The following ZNF107 variants were observed in gnomAD, a reference collection of about 807,000 sequenced individuals.
ZNF107 encodes the protein C2H2 type zinc-finger protein.
In ZNF107, 19 loss-of-function variants were observed where a neutral mutation model predicts 12.3. The ratio of observed to expected loss-of-function variants is 1.55; its 90% CI spans 1.08 to 2.27. ZNF107 has a LOEUF of 2.27. Among genes scored for constraint, ZNF107 ranks in the 30% most tolerant of loss-of-function variants. The pLI is 0.00. For synonymous variants in ZNF107, 317 were observed against 330.5 expected (o/e 0.96, Z 0.44); for missense variants, 958 against 979.9 (o/e 0.98, Z 0.30).
At chr7:64,700,980 A>G (rs896693974) in intron 3 of ZNF107, among the ~76,000 whole-genome samples, 7 of 152,150 alleles carry the variant, frequency 4.6e-5, no homozygotes, top group African/African-American at 1.7e-4. Context: ...GATGTCTACA[A>G]TTATGTTGCT....
At chr7:64,684,507 G>A in intron 1 of ZNF107, 1 of 881,166 alleles carries the variant, frequency 1.1e-6, no homozygotes, top group Non-Finnish European at 1.4e-6. Context: ...GAGTAAAGCT[G>A]TGTCCATCTG....
At chr7:64,693,314 GT>G (rs376161398) in intron 3 of ZNF107, among the ~76,000 whole-genome samples, 7,254 of 134,898 alleles carry the variant, frequency 0.054, 217 homozygotes, top group East Asian at 0.16. Flanking sequence ...CGCCTGGCCA[GT>G]TTTTTTTTTT....
At chr7:64,668,654 A>C (rs1789102315) in intron 1 of ZNF107, among the ~76,000 whole-genome samples, 2 of 152,218 alleles carry the variant, frequency 1.3e-5, no homozygotes, top group African/African-American at 4.8e-5. Context: ...AGAGAAAAAT[A>C]ATATCTAATC....
intron 3 of ZNF107, among the ~76,000 whole-genome samples, chr7:64,704,886 A>G (rs1187559370): frequency 1.3e-5 from 2 of 152,174 alleles, no homozygotes; most frequent in Admixed American, 1.3e-4. Flanking sequence ...CACCATGTTG[A>G]TCAGGCTGGT....
intron 3 of ZNF107, among the ~76,000 whole-genome samples, chr7:64,705,975 A>G (rs1005747050): frequency 6.6e-6 from 1 of 151,992 alleles, no homozygotes. Context: ...CTTTAAAAAA[A>G]AAAACACTAA....
chr7:64,670,989 C>T (rs1352053495), intron 1 of ZNF107, among the ~76,000 whole-genome samples: 1 of 152,184 alleles, frequency 6.6e-6, no homozygotes, highest in African/African-American at 2.4e-5. Flanking sequence ...TCAGGGTCTG[C>T]TGACTCTGGG....
At chr7:64,694,637 C>G (rs1790226830) in intron 3 of ZNF107, among the ~76,000 whole-genome samples, 1 of 151,828 alleles carries the variant, frequency 6.6e-6, no homozygotes, top group South Asian at 2.1e-4. Context: ...ATTTAGCTGT[C>G]ATCGCAGGTG....
chr7:64,683,082 C>T (rs192151560), intron 1 of ZNF107, among the ~76,000 whole-genome samples: 2 of 152,316 alleles, frequency 1.3e-5, no homozygotes, highest in East Asian at 1.9e-4. Flanking sequence ...CATCTGTTAT[C>T]GAGGCTGCTG....
rs191277354 is a variant in ZNF107 at position 64,711,363 on chromosome 7, A to G, written c.*2707A>G. ...TGCCATGTATGGCATATTTTGATAC[A>G]GGCATATAATTTTATGTATTAATCA... On this transcript the variant is annotated 3_prime_UTR_variant, in exon 4 of 4. Coordinates refer to ENST00000620827, the MANE Select transcript of ZNF107 (RefSeq NM_001282359.2). 1 of 152,354 alleles carries G rather than the reference A, an allele frequency of 6.6e-6. No homozygotes were observed. The highest frequency in any genetic ancestry group is 1.5e-5 in the Non-Finnish European group (1 of 68,016). 9.4% of individuals were successfully genotyped at this position (152,354 alleles called of 1,614,324 possible).
At chr7:64,678,470 A>G (rs1789513793) in intron 1 of ZNF107, among the ~76,000 whole-genome samples, 1 of 152,224 alleles carries the variant, frequency 6.6e-6, no homozygotes, top group Admixed American at 6.5e-5. Flanking sequence ...TAGGTGTAGC[A>G]TTTGTAGACA....
At chr7:64,693,260 G>A (rs1325696098) in intron 3 of ZNF107, among the ~76,000 whole-genome samples, 12 of 144,172 alleles carry the variant, frequency 8.3e-5, no homozygotes, top group Admixed American at 4.3e-4. Flanking sequence ...TGATCTGCCC[G>A]TCTCGGCCTC....
At chr7:64,674,267 T>A (rs1789340022) in intron 1 of ZNF107, among the ~76,000 whole-genome samples, 1 of 152,244 alleles carries the variant, frequency 6.6e-6, no homozygotes, top group African/African-American at 2.4e-5. Context: ...TTTCCATTTA[T>A]TTGTGTCATA....
At chr7:64,681,580 C>T (rs1789676402) in intron 1 of ZNF107, among the ~76,000 whole-genome samples, 1 of 151,970 alleles carries the variant, frequency 6.6e-6, no homozygotes, top group African/African-American at 2.4e-5. Context: ...GGGATATCAT[C>T]TCTCCCTCCC....
chr7:64,705,759 C>T (rs1790618332), intron 3 of ZNF107, among the ~76,000 whole-genome samples: 1 of 148,412 alleles, frequency 6.7e-6, no homozygotes, highest in Admixed American at 6.7e-5. Context: ...TCGGTAATCA[C>T]TTGCTACAAC....
At chr7:64,686,811 T>G (rs1470811340) in intron 1 of ZNF107, 3 of 904,932 alleles carry the variant, frequency 3.3e-6, no homozygotes, top group Admixed American at 6.2e-5. Flanking sequence ...CTGCTCTCCC[T>G]CACACCTCCG....
chr7:64,676,208 A>G (rs1406104796), intron 1 of ZNF107, among the ~76,000 whole-genome samples: 3 of 152,112 alleles, frequency 2.0e-5, no homozygotes, highest in Non-Finnish European at 2.9e-5. Flanking sequence ...TTTGTATTCA[A>G]TTATATTTTT....
chr7:64,697,857 AATTTTTTGTATTTT>A lies in ZNF107; in HGVS notation c.226+5898_226+5911del, dbSNP rs1300011198. ...CATGCGCCCGCCACCACGCCCGGCTAATTTTTTGTATTTTTTAGTAGAGACGGGGTTTCACCGTG... is the reference window on the plus strand; with the variant it reads ...CATGCGCCCGCCACCACGCCCGGCTATTAGTAGAGACGGGGTTTCACCGTG... On this transcript the variant is annotated intron_variant, in intron 3 of 3. Coordinates refer to ENST00000620827, the MANE Select transcript of ZNF107 (RefSeq NM_001282359.2). 1.5e-4 allele frequency among the ~76,000 whole-genome samples: 23 copies of A among 151,924 alleles called. No homozygotes were observed. In the East Asian group the frequency reaches 3.7e-3, roughly 24 times the overall value.
intron 3 of ZNF107, among the ~76,000 whole-genome samples, chr7:64,704,164 T>TA (rs1427635380): frequency 6.6e-6 from 1 of 152,224 alleles, no homozygotes; most frequent in Non-Finnish European, 1.5e-5. Context: ...ACATTTTAGA[T>TA]AATAATTAAA....
intron 1 of ZNF107, among the ~76,000 whole-genome samples, chr7:64,672,078 G>A (rs1017934989): frequency 3.9e-5 from 6 of 152,112 alleles, no homozygotes; most frequent in South Asian, 2.1e-4. Context: ...GAGCCACCGC[G>A]CCCGGCTGGC....
Sources: allele counts gnomAD v4.1 joint callset (sites outside exome capture counted in the v4.1 genomes callset), GRCh38; gene constraint gnomAD v4.1.1; transcripts MANE v1.5; gene names NCBI Gene and HGNC (gene_info 2026-07-23, HGNC 2026-07-21).